The following ERP44 variants were observed in gnomAD, a reference collection of about 807,000 sequenced individuals.
The protein encoded by ERP44 is endoplasmic reticulum protein 44, also known as endoplasmic reticulum resident protein 44.
ERP44 carries 25 observed loss-of-function variants against 53.4 expected under a neutral mutation model. That is an observed-to-expected ratio of 0.47 (90% CI 0.34 to 0.65). The LOEUF is 0.65. Among genes scored for constraint, ERP44 ranks in the 30% least tolerant of loss-of-function variants. The pLI, the probability that ERP44 is intolerant of heterozygous loss-of-function variation, is 0.01. For missense variants in ERP44, 338 were observed against 493.2 expected (o/e 0.69, Z 2.98); for synonymous variants, 145 against 161.2 (o/e 0.90, Z 0.76).
At chr9:99,989,834 C>T (rs565518911) in intron 10 of ERP44, among the ~76,000 whole-genome samples, 17 of 152,156 alleles carry the variant, frequency 1.1e-4, no homozygotes, top group Admixed American at 3.9e-4. Flanking sequence ...TTTAAATGAC[C>T]GGATGGAGCT....
At chr9:100,097,773 C>G (rs1826661151) in intron 1 of ERP44, among the ~76,000 whole-genome samples, 2 of 152,180 alleles carry the variant, frequency 1.3e-5, no homozygotes. Context: ...GGAATAAGCA[C>G]TGGAAGTCAA....
chr9:99,987,601 G>C (rs936751493), intron 10 of ERP44, among the ~76,000 whole-genome samples: 4 of 152,238 alleles, frequency 2.6e-5, no homozygotes, highest in African/African-American at 9.6e-5. Flanking sequence ...AGTTTTATGA[G>C]TTTTAACATG....
chr9:99,985,531 T>C (rs1358086827), intron 10 of ERP44, among the ~76,000 whole-genome samples: 2 of 152,116 alleles, frequency 1.3e-5, no homozygotes. Context: ...ATAACAAAAA[T>C]ATTAGCACCA....
At chr9:100,093,643 T>TTC (rs1554711459) in intron 1 of ERP44, among the ~76,000 whole-genome samples, 1 of 150,472 alleles carries the variant, frequency 6.6e-6, no homozygotes, top group Non-Finnish European at 1.5e-5. Flanking sequence ...ACCCTGTCTG[T>TTC]GGGGGGGGAA....
intron 1 of ERP44, among the ~76,000 whole-genome samples, chr9:100,083,069 A>G (rs930168926): frequency 1.9e-4 from 29 of 152,076 alleles, no homozygotes; most frequent in African/African-American, 7.0e-4. Context: ...AGAAAGAATG[A>G]ATAAACAAAA....
intron 1 of ERP44, among the ~76,000 whole-genome samples, chr9:100,084,878 G>T (rs935723677): frequency 1.3e-5 from 2 of 152,130 alleles, no homozygotes; most frequent in African/African-American, 2.4e-5. Flanking sequence ...GTAGAAAGGG[G>T]TATTCCCCAA....
intron 1 of ERP44, among the ~76,000 whole-genome samples, chr9:100,068,013 C>T (rs1279746361): frequency 1.3e-5 from 2 of 151,154 alleles, no homozygotes; most frequent in Non-Finnish European, 3.0e-5. Context: ...CCAGCCGCCC[C>T]GTCCGGGAGG....
chr9:100,057,908 ATAAT>A (rs1564099732), intron 2 of ERP44, 49 bp from the exon 3 acceptor site: 1 of 1,349,678 alleles, frequency 7.4e-7, no homozygotes. Flanking sequence ...TAATTTTGAC[ATAAT>A]TAAACATACA....
intron 1 of ERP44, among the ~76,000 whole-genome samples, chr9:100,069,886 C>G (rs1826280319): frequency 1.3e-5 from 2 of 152,082 alleles, no homozygotes; most frequent in African/African-American, 4.8e-5. Flanking sequence ...CTGATGTTAT[C>G]TGTGTTTCGT....
At chr9:100,010,350 T>C (rs1026857605) in intron 8 of ERP44, among the ~76,000 whole-genome samples, 1 of 152,206 alleles carries the variant, frequency 6.6e-6, no homozygotes. Flanking sequence ...GCTTACAACA[T>C]AATAAATCTC....
At chr9:100,047,216 C>T (rs1406106990) in intron 4 of ERP44, among the ~76,000 whole-genome samples, 1 of 152,118 alleles carries the variant, frequency 6.6e-6, no homozygotes, top group Non-Finnish European at 1.5e-5. Flanking sequence ...AACATCAAAA[C>T]TATAATCCAT....
intron 1 of ERP44, among the ~76,000 whole-genome samples, chr9:100,087,691 A>T (rs1587986382): frequency 6.6e-6 from 1 of 152,222 alleles, no homozygotes; most frequent in African/African-American, 2.4e-5. Context: ...AGTTATTTCC[A>T]AGTGGTAGAA....
At chr9:100,046,360 A>T (rs146063393) in intron 4 of ERP44, among the ~76,000 whole-genome samples, 79 of 152,332 alleles carry the variant, frequency 5.2e-4, no homozygotes, top group African/African-American at 1.9e-3. Flanking sequence ...GAGGGATAAA[A>T]TCCAAATAAA....
intron 4 of ERP44, among the ~76,000 whole-genome samples, chr9:100,037,635 C>A (rs184885807): frequency 7.2e-5 from 11 of 152,176 alleles, no homozygotes; most frequent in Non-Finnish European, 1.5e-4. Flanking sequence ...GACTTTGTCT[C>A]GCATCTGGGA....
At chr9:100,098,697 C>T in intron 1 of ERP44, 87 bp downstream of exon 1, 2 of 1,103,904 alleles carry the variant, frequency 1.8e-6, no homozygotes, top group South Asian at 1.3e-5. Flanking sequence ...GACGGAAAAG[C>T]AGGGGCAGGA....
chr9:99,988,335 G>A (rs1320982975), intron 10 of ERP44, among the ~76,000 whole-genome samples: 2 of 152,098 alleles, frequency 1.3e-5, no homozygotes, highest in East Asian at 3.8e-4. Flanking sequence ...AGAACTCTCT[G>A]TGAAACCCCA....
At chr9:100,097,243 C>T (rs1254357153) in intron 1 of ERP44, among the ~76,000 whole-genome samples, 1 of 152,120 alleles carries the variant, frequency 6.6e-6, no homozygotes, top group African/African-American at 2.4e-5. Context: ...ATTATTTCTT[C>T]TTCATAACTT....
At chr9:100,056,389 C>T (rs1038033314) in intron 3 of ERP44, among the ~76,000 whole-genome samples, 1 of 152,218 alleles carries the variant, frequency 6.6e-6, no homozygotes, top group African/African-American at 2.4e-5. Context: ...ACCATATATA[C>T]ATTCATTCAG....
intron 4 of ERP44, among the ~76,000 whole-genome samples, chr9:100,039,347 G>T (rs1825878598): frequency 6.6e-6 from 1 of 152,034 alleles, no homozygotes; most frequent in Non-Finnish European, 1.5e-5. Flanking sequence ...CTCCTCTGAT[G>T]ACAATGGAAT....
Sources: allele counts gnomAD v4.1 joint callset (sites outside exome capture counted in the v4.1 genomes callset), GRCh38; gene constraint gnomAD v4.1.1; transcripts MANE v1.5; gene names NCBI Gene and HGNC (gene_info 2026-07-23, HGNC 2026-07-21).